Variants in CDH18 observed in about 807,000 individuals in gnomAD.
CDH18 encodes the protein cadherin-18.
Under a neutral mutation model 67.9 loss-of-function variants are expected in CDH18, and 31 were observed. That is an observed-to-expected ratio of 0.46 (90% CI 0.34 to 0.62). The LOEUF is 0.62. Ranked by LOEUF, CDH18 falls within the 20% of genes least tolerant of loss-of-function variation. CDH18 has a pLI of 0.01. For synonymous variants in CDH18, 362 were observed against 347.2 expected, an observed-to-expected ratio of 1.04 and a Z score of -0.48; for missense variants, 890 against 975.5, an observed-to-expected ratio of 0.91 and a Z score of 1.17.
At chr5:19,700,935 G>C (rs567902121) in intron 5 of CDH18, among the ~76,000 whole-genome samples, 1 of 149,104 alleles carries the variant, frequency 6.7e-6, no homozygotes, top group African/African-American at 2.5e-5. Flanking sequence ...ACAAAGTGTG[G>C]AAACAAAGTG....
intron 2 of CDH18, among the ~76,000 whole-genome samples, chr5:20,067,038 C>G (rs574971958): frequency 9.9e-5 from 15 of 151,106 alleles, no homozygotes; most frequent in Non-Finnish European, 1.9e-4. Context: ...AAAAATAATA[C>G]AAATAAAAAA....
chr5:20,337,483 C>T (rs1420259714), intron 1 of CDH18, among the ~76,000 whole-genome samples: 2 of 152,126 alleles, frequency 1.3e-5, no homozygotes, highest in Admixed American at 6.5e-5. Flanking sequence ...GTTCAAAGTT[C>T]CACAAATCTC....
intron 10 of CDH18, among the ~76,000 whole-genome samples, chr5:19,506,590 T>C: frequency 6.6e-6 from 1 of 152,074 alleles, no homozygotes; most frequent in Non-Finnish European, 1.5e-5. Context: ...AACAGAGCCC[T>C]CAGAAATAAT....
chr5:20,216,071 C>T (rs1740744820), intron 2 of CDH18, among the ~76,000 whole-genome samples: 1 of 151,726 alleles, frequency 6.6e-6, no homozygotes, highest in South Asian at 2.1e-4. Context: ...TAATAAACCC[C>T]CATGACACTG....
chr5:20,075,187 T>A (rs1743818885), intron 2 of CDH18, among the ~76,000 whole-genome samples: 4 of 152,124 alleles, frequency 2.6e-5, no homozygotes, highest in Admixed American at 2.6e-4. Flanking sequence ...TCCTTGGACA[T>A]CACTGAATGG....
Position 19,753,716 on chromosome 5 carries a change from T to A in CDH18, c.229-6480A>T, listed in dbSNP as rs146108945. The stretch of plus-strand genomic sequence containing the variant: ...TTACGACAAAGGAAAGAATCTTAAG[T>A]GCTGTGAGACAAAAGCTCCAGGTAT... On this transcript the variant is annotated intron_variant, in intron 3 of 12. Transcript: ENST00000382275. 5.4e-3 allele frequency among the ~76,000 whole-genome samples: 829 copies of A among 152,280 alleles called. 2 individuals carry two copies. Among genetic ancestry groups the A allele is most frequent in the South Asian group, 0.012 (57 of 4,828 alleles).
chr5:19,980,563 C>A (rs991801550), intron 2 of CDH18, among the ~76,000 whole-genome samples: 18 of 152,252 alleles, frequency 1.2e-4, no homozygotes, highest in Admixed American at 9.2e-4. Flanking sequence ...TCAAGACAGT[C>A]ACTCACCGGA....
chr5:19,582,232 T>C (rs1432948347), intron 7 of CDH18, among the ~76,000 whole-genome samples: 1 of 151,920 alleles, frequency 6.6e-6, no homozygotes, highest in Non-Finnish European at 1.5e-5. Flanking sequence ...TATGTGTATA[T>C]ATGACATAAA....
chr5:20,478,625 C>G (rs189088605), intron 1 of CDH18, among the ~76,000 whole-genome samples: 4 of 152,094 alleles, frequency 2.6e-5, no homozygotes, highest in African/African-American at 4.8e-5. Flanking sequence ...TCCCGACTCT[C>G]GACACTGGCT....
chr5:19,620,861 C>G (rs1750582461), intron 5 of CDH18, among the ~76,000 whole-genome samples: 1 of 152,048 alleles, frequency 6.6e-6, no homozygotes, highest in Non-Finnish European at 1.5e-5. Context: ...ATTGCCAAAC[C>G]TTCAGCACAA....
intron 5 of CDH18, among the ~76,000 whole-genome samples, chr5:19,649,337 T>C (rs1755238657): frequency 2.0e-5 from 3 of 152,118 alleles, no homozygotes; most frequent in Non-Finnish European, 2.9e-5. Context: ...AAGCAAAATA[T>C]ATACAAGTTA....
rs145084376 is a variant in CDH18, at chr5:19,547,113, A to G, written c.1254-3108T>C. Among the ~76,000 whole-genome samples, 443 of 152,222 alleles carry G rather than the reference A, an allele frequency of 2.9e-3. 2 individuals are homozygous for G. Among genetic ancestry groups the G allele is most frequent in the African/African-American group, 0.01 (422 of 41,550 alleles). On this transcript the variant is annotated intron_variant, in intron 8 of 12. Coordinates refer to ENST00000382275, the MANE Select transcript of CDH18 (RefSeq NM_004934.5). Reference sequence around the variant, plus strand: ...ACTTAATTCAGATTGAGTCTATACTAGAAAAAAAACAAAACCCTTCTTATA... The same window carrying G: ...ACTTAATTCAGATTGAGTCTATACTGGAAAAAAAACAAAACCCTTCTTATA...
chr5:20,394,349 A>G lies in CDH18; in HGVS notation c.-579-138844T>C, dbSNP rs147469691. Among the ~76,000 whole-genome samples, 5 of 152,204 alleles carry G rather than the reference A, an allele frequency of 3.3e-5. 1 individual carries two copies. The highest frequency in any genetic ancestry group is 2.1e-4 in the South Asian group (1 of 4,826). On this transcript the variant is annotated intron_variant, in intron 1 of 14. Transcript: ENST00000507958. ...CCATAAATGATTCTGGAAAAACTGG[A>G]TAGTCACATGTAGAAGAACGAATCC...
chr5:20,542,380 C>G (rs761523906), intron 1 of CDH18, among the ~76,000 whole-genome samples: 6 of 150,788 alleles, frequency 4.0e-5, no homozygotes, highest in Non-Finnish European at 7.4e-5. Flanking sequence ...ATAAAACATC[C>G]CCATCATGGT....
At chr5:20,542,618 A>G (rs1312802916) in intron 1 of CDH18, among the ~76,000 whole-genome samples, 1 of 152,022 alleles carries the variant, frequency 6.6e-6, no homozygotes, top group African/African-American at 2.4e-5. Flanking sequence ...TAATGCAACT[A>G]GATTTCAACT....
At position 20,097,209 on chromosome 5, in the gene CDH18, T is replaced by C. The variant is rs552617171; in HGVS notation, c.-517-105195A>G. 5.8e-4 allele frequency among the ~76,000 whole-genome samples: 89 copies of C among 152,250 alleles called. 1 individual carries two copies. The highest frequency in any genetic ancestry group is 1.7e-3 in the African/African-American group (69 of 41,566). On this transcript the variant is annotated intron_variant, in intron 2 of 14. Transcript: ENST00000507958. ...GACCACTAGCTCATCCCCAGTTCCA[T>C]TGCACATTTTTTTCACTCTGTTAAT... is the stretch of plus-strand genomic sequence containing the variant.
chr5:20,013,068 T>G (rs911205803), intron 2 of CDH18, among the ~76,000 whole-genome samples: 6 of 152,106 alleles, frequency 3.9e-5, no homozygotes, highest in African/African-American at 1.4e-4. Flanking sequence ...GAACTTACAA[T>G]AAAAGTTTTT....
At chr5:20,502,843 T>C (rs1013277375) in intron 1 of CDH18, among the ~76,000 whole-genome samples, 2 of 152,112 alleles carry the variant, frequency 1.3e-5, no homozygotes, top group African/African-American at 4.8e-5. Flanking sequence ...CTTTGATGGG[T>C]TGACATTTTG....
chr5:20,547,185 C>T (rs1757388034), intron 1 of CDH18, among the ~76,000 whole-genome samples: 1 of 152,060 alleles, frequency 6.6e-6, no homozygotes, highest in South Asian at 2.1e-4. Flanking sequence ...TTTAAAATAA[C>T]TGCTAAAGGG....
Sources: gnomAD v4.1 joint callset for allele counts (sites outside exome capture counted in the v4.1 genomes callset) on GRCh38, gnomAD v4.1.1 for gene constraint, MANE v1.5 for transcripts, NCBI Gene and HGNC (gene_info 2026-07-23, HGNC 2026-07-21) for gene names.